Variants in RAB10 observed in about 807,000 individuals in gnomAD.
The protein encoded by RAB10 is ras-related protein Rab-10.
In RAB10, 5 loss-of-function variants were observed where a neutral mutation model predicts 25.7. The observed-to-expected ratio is 0.19, with a 90% confidence interval of 0.10 to 0.41. The LOEUF (loss-of-function observed/expected upper bound fraction) is 0.41. RAB10 is among the 10% of genes least tolerant of loss of function. The pLI, the probability that RAB10 is intolerant of heterozygous loss-of-function variation, is 1.00. For synonymous variants in RAB10, 89 were observed against 86.4 expected, an observed-to-expected ratio of 1.03 and a Z score of -0.16; for missense variants, 103 against 245.8, an observed-to-expected ratio of 0.42 and a Z score of 3.89.
chr2:26,059,001 G>A (rs1666329070), intron 1 of RAB10, among the ~76,000 whole-genome samples: 1 of 152,202 alleles, frequency 6.6e-6, no homozygotes, highest in African/African-American at 2.4e-5. Flanking sequence ...CTAGGACAAT[G>A]CCTGTACATT....
intron 1 of RAB10, among the ~76,000 whole-genome samples, chr2:26,052,439 C>T (rs924813016): frequency 3.1e-4 from 47 of 149,768 alleles, no homozygotes; most frequent in Non-Finnish European, 1.0e-4. Flanking sequence ...CACTGGTGGG[C>T]TCTGCTACAA....
chr2:26,119,364 A>G (rs1171603896), intron 3 of RAB10, among the ~76,000 whole-genome samples: 1 of 152,094 alleles, frequency 6.6e-6, no homozygotes, highest in Non-Finnish European at 1.5e-5. Context: ...TGAGCTGATT[A>G]TAGCAGTGCA....
At chr2:26,046,937 AGT>A (rs1431789133) in intron 1 of RAB10, among the ~76,000 whole-genome samples, 2 of 152,160 alleles carry the variant, frequency 1.3e-5, no homozygotes, top group African/African-American at 2.4e-5. Context: ...TTTCTCATGC[AGT>A]TGTAAAAGGT....
intron 2 of RAB10, among the ~76,000 whole-genome samples, chr2:26,106,996 A>G (rs1437274637): frequency 6.6e-6 from 1 of 152,078 alleles, no homozygotes; most frequent in East Asian, 1.9e-4. Flanking sequence ...CTGTAACCCC[A>G]GCACTTTGGG....
At chr2:26,073,355 C>T (rs1666667618) in intron 1 of RAB10, among the ~76,000 whole-genome samples, 1 of 152,078 alleles carries the variant, frequency 6.6e-6, no homozygotes, top group Admixed American at 6.6e-5. Flanking sequence ...TAGAGGTATC[C>T]CTTTGCTGAT....
chr2:26,135,696 T>G lies in RAB10; in HGVS notation c.*675T>G, dbSNP rs1460541303. The G allele has an allele frequency of 6.6e-6, 1 of 152,654 alleles. No individual in the cohort carries two copies. Among genetic ancestry groups the G allele is most frequent in the Non-Finnish European group, 1.5e-5 (1 of 68,040 alleles). The allele number at this position is 152,654 out of a possible 1,614,324, so 9.5% of individuals were successfully genotyped here. ...CAAAGGGTAATGCAGAAGTGATAGCTTTGGTTTGCTGAGTCTTGTTTTAAG... is the reference window on the plus strand; with the variant it reads ...CAAAGGGTAATGCAGAAGTGATAGCGTTGGTTTGCTGAGTCTTGTTTTAAG... On this transcript the variant is annotated 3_prime_UTR_variant, in exon 6 of 6. Transcript: ENST00000264710.
intron 3 of RAB10, among the ~76,000 whole-genome samples, chr2:26,116,396 G>C (rs1031013775): frequency 3.3e-5 from 5 of 151,976 alleles, no homozygotes. Flanking sequence ...ATATAATATA[G>C]GTTGGTGTGG....
chr2:26,118,869 A>G (rs1189322234), intron 3 of RAB10, among the ~76,000 whole-genome samples: 1 of 152,152 alleles, frequency 6.6e-6, no homozygotes, highest in Non-Finnish European at 1.5e-5. Context: ...CTGCATAAAC[A>G]TGTCTCTTTA....
At chr2:26,073,326 G>A (rs1263061827) in intron 1 of RAB10, among the ~76,000 whole-genome samples, 2 of 152,198 alleles carry the variant, frequency 1.3e-5, no homozygotes, top group Non-Finnish European at 2.9e-5. Context: ...CCCTAAACCT[G>A]TACTTGTTGC....
intron 1 of RAB10, among the ~76,000 whole-genome samples, chr2:26,053,765 G>A (rs960563316): frequency 1.3e-5 from 2 of 151,728 alleles, no homozygotes; most frequent in African/African-American, 4.8e-5. Flanking sequence ...TGTCACTCAT[G>A]CTGGAGTGCA....
At position 26,072,074 on chromosome 2, in the gene RAB10, G is replaced by A. The variant is rs1666639125; in HGVS notation, c.128-26588G>A. On this transcript the variant is annotated intron_variant, in intron 1 of 5. Coordinates refer to ENST00000264710, the MANE Select transcript of RAB10 (RefSeq NM_016131.5). Reference sequence around the variant, plus strand: ...GACCAATACATGCTGTTATAAAATTGCGCAGATAAAAAGACCTATTCAGAG... The same window carrying A: ...GACCAATACATGCTGTTATAAAATTACGCAGATAAAAAGACCTATTCAGAG... 2.6e-5 allele frequency among the ~76,000 whole-genome samples: 4 copies of A among 151,708 alleles called. No homozygotes were observed. The South Asian group carries it at 8.3e-4, about 32-fold the overall frequency.
rs558871811 is a variant in RAB10, at chr2:26,034,839, C to G, written c.127+104C>G. ...AATATACGCCTTTGTTTCAGTGATTCCGATTCCAAACGACACATCCAAGTT... is the reference window on the plus strand; with the variant it reads ...AATATACGCCTTTGTTTCAGTGATTGCGATTCCAAACGACACATCCAAGTT... On this transcript the variant is annotated intron_variant, in intron 1 of 5. Coordinates refer to ENST00000264710, the MANE Select transcript of RAB10 (RefSeq NM_016131.5). The G allele has an allele frequency of 4.7e-6, 7 of 1,477,440 alleles. No homozygotes were observed. The Admixed American group carries it at 1.1e-4, about 23-fold the overall frequency. The allele number at this position is 1,477,440 out of a possible 1,614,324, so 91.5% of individuals were successfully genotyped here. A position where few individuals can be genotyped will look rare whatever the true frequency, so the allele number is the denominator to read the frequency against.
intron 5 of RAB10, among the ~76,000 whole-genome samples, chr2:26,131,065 A>ATT (rs1213546291): frequency 1.4e-5 from 2 of 142,012 alleles, no homozygotes; most frequent in Non-Finnish European, 3.0e-5. Context: ...CTATATAGCC[A>ATT]TTATATATAT....
chr2:26,103,455 T>C (rs906539866), intron 2 of RAB10, among the ~76,000 whole-genome samples: 3 of 152,204 alleles, frequency 2.0e-5, no homozygotes, highest in African/African-American at 7.2e-5. Context: ...TTTAAACTAC[T>C]GTAAGGCTTT....
At chr2:26,033,991 T>A (rs1665697175), upstream of RAB10, 1 of 397,936 alleles carries the variant, frequency 2.5e-6, no homozygotes, top group South Asian at 1.3e-4. Flanking sequence ...CACTCGCCAC[T>A]TCGGCGCGCC....
rs2149258980 is a variant in RAB10, at chr2:26,034,690, C to T, written c.82C>T (p.Arg28Cys). ...SGVGKTCVLF[R>C]FSDDAFNTTF... ...AGTGGGGAAGACCTGCGTCCTTTTT[C>T]GTTTTTCGGATGATGCCTTCAATAC... Residue 28 changes from arginine (R) to cysteine (C), a missense_variant, in exon 1 of 6, where the codon CGT becomes TGT. Physicochemically the swap from Arg to Cys is radical, Grantham distance 180. This residue lies in a region of RAB10 where 79 missense variants were observed against 217.8 expected (regional missense o/e 0.36). Coordinates refer to ENST00000264710, the MANE Select transcript of RAB10 (RefSeq NM_016131.5). 6.2e-7 allele frequency: 1 copy of T among 1,614,200 alleles called. No homozygotes were observed. Among genetic ancestry groups the T allele is most frequent in the Non-Finnish European group, 8.5e-7 (1 of 1,180,024 alleles).
At chr2:26,034,935 G>T (rs1211807874) in intron 1 of RAB10, among the ~76,000 whole-genome samples, 200 bp downstream of exon 1, 2 of 152,100 alleles carry the variant, frequency 1.3e-5, no homozygotes. Context: ...TTTTGCTTTC[G>T]AGTCTCCCAC....
chr2:26,066,253 C>A (rs559954877), intron 1 of RAB10, among the ~76,000 whole-genome samples: 2 of 150,800 alleles, frequency 1.3e-5, no homozygotes, highest in African/African-American at 4.9e-5. Context: ...TTTTTTTTTC[C>A]AGTGGACAAG....
intron 1 of RAB10, among the ~76,000 whole-genome samples, chr2:26,076,966 A>T (rs1666750825): frequency 6.6e-6 from 1 of 151,890 alleles, no homozygotes; most frequent in Admixed American, 6.6e-5. Context: ...AAAAACAGAA[A>T]AGTGTCAAAA....
Sources: allele counts gnomAD v4.1 joint callset (sites outside exome capture counted in the v4.1 genomes callset), GRCh38; gene constraint gnomAD v4.1.1; regional missense constraint gnomAD v4.1.1; transcripts MANE v1.5; gene names NCBI Gene and HGNC (gene_info 2026-07-23, HGNC 2026-07-21).